The following MRS2 variants were observed in gnomAD, a reference collection of about 807,000 sequenced individuals.
MRS2 encodes the protein magnesium transporter MRS2, also known as magnesium transporter MRS2 homolog, mitochondrial.
A neutral mutation model predicts 52.6 loss-of-function variants in MRS2; 40 were observed. The ratio of observed to expected loss-of-function variants is 0.76; its 90% CI spans 0.59 to 0.99. The LOEUF is 0.99. MRS2 is among the 50% of genes least tolerant of loss of function. The probability of loss-of-function intolerance (pLI) is 0.00; values close to 1 mark genes in which losing one functional copy is unlikely to be tolerated. For synonymous variants in MRS2, 193 were observed against 195.9 expected (o/e 0.98, Z 0.13); for missense variants, 472 against 532.7 (o/e 0.89, Z 1.12).
intron 2 of MRS2, among the ~76,000 whole-genome samples, chr6:24,407,322 T>C (rs1263301143): frequency 6.6e-6 from 1 of 151,916 alleles, no homozygotes; most frequent in East Asian, 1.9e-4. Context: ...ATGGAACTTA[T>C]ATATTCATAT....
At chr6:24,405,287 A>G (rs1313990982) in intron 2 of MRS2, 46 bp downstream of exon 2, 15 of 1,391,486 alleles carry the variant, frequency 1.1e-5, no homozygotes, top group Non-Finnish European at 1.5e-5. Context: ...AGTGCTTCCC[A>G]TACATAAGTT....
In MRS2 at chr6:24,425,409, A is replaced by T. The variant is rs998614741; in HGVS notation, c.*1715A>T. On this transcript the variant is annotated 3_prime_UTR_variant, in exon 11 of 11. Coordinates refer to ENST00000378386, the MANE Select transcript of MRS2 (RefSeq NM_020662.4). ...TTTGATGAATCATGTCAATAAAAGG[A>T]AAAATAATGTAACTACCTCATAAGT... The T allele has an allele frequency of 2.0e-5, 3 of 152,246 alleles. No individual in the cohort carries two copies. Among genetic ancestry groups the T allele is most frequent in the African/African-American group, 7.2e-5 (3 of 41,464 alleles). 9.4% of individuals were successfully genotyped at this position (152,246 alleles called of 1,614,324 possible).
chr6:24,421,648 G>A (rs1048053590), intron 9 of MRS2, among the ~76,000 whole-genome samples: 1 of 131,264 alleles, frequency 7.6e-6, no homozygotes, highest in East Asian at 2.3e-4. Flanking sequence ...TAAATTATTT[G>A]AGACTAAGAA....
Position 24,405,190 on chromosome 6 carries a change from CTCTGACG to C in MRS2, c.217_223del (p.Asp73LeufsTer5). 1 of 1,613,832 alleles carries C rather than the reference CTCTGACG, an allele frequency of 6.2e-7. No homozygotes were observed. The highest frequency in any genetic ancestry group is 1.7e-5 in the Admixed American group (1 of 60,020). ...CAGGTGAAGTGCACCGGTTTAGAAC[CTCTGACG>C]TCTCTCAAGCCACTTTAGCCAGTGT... On this transcript the variant is annotated frameshift_variant, in exon 2 of 11. Transcript: ENST00000378386. LOFTEE classifies it high-confidence loss of function.
At chr6:24,423,109 G>T in intron 10 of MRS2, 59 bp downstream of exon 10, 1 of 1,380,480 alleles carries the variant, frequency 7.2e-7, no homozygotes, top group Non-Finnish European at 1.0e-6. Context: ...GGGCCCTAAA[G>T]TCAGAGCGCC....
chr6:24,410,666 A>G, intron 4 of MRS2: 1 of 1,276,418 alleles, frequency 7.8e-7, no homozygotes, highest in Non-Finnish European at 1.1e-6. Context: ...AAAAATAAAT[A>G]AGTAAATAAA....
chr6:24,419,996 T>G (rs1337888462), intron 9 of MRS2, among the ~76,000 whole-genome samples: 1 of 152,216 alleles, frequency 6.6e-6, no homozygotes, highest in Non-Finnish European at 1.5e-5. Flanking sequence ...TCACCTCCCA[T>G]TAGGACCACT....
chr6:24,415,073 T>A lies in MRS2; in HGVS notation c.629T>A (p.Leu210Gln). 6.2e-7 allele frequency: 1 copy of A among 1,611,824 alleles called. No individual in the cohort carries two copies. Among genetic ancestry groups the A allele is most frequent in the Non-Finnish European group, 8.5e-7 (1 of 1,178,254 alleles). The change falls in exon 6 of 11, where the codon CTG becomes CAG. Residue 210 changes from leucine (L) to glutamine (Q), a missense_variant. Physicochemically the swap from Leu to Gln is moderately radical, Grantham distance 113 (BLOSUM62 -2). Coordinates refer to ENST00000378386, the MANE Select transcript of MRS2 (RefSeq NM_020662.4). ...GGGAAACTTAGCATTTTGCAGCCACTGATCCTTGAGACCTTGGATGCTTTG... is the reference window on the plus strand; with the variant it reads ...GGGAAACTTAGCATTTTGCAGCCACAGATCCTTGAGACCTTGGATGCTTTG... ...LQGKLSILQPLILETLDALVD... is the reference protein window; with the variant it reads ...LQGKLSILQPQILETLDALVD...
Position 24,412,288 on chromosome 6 carries a change from C to A in MRS2, c.481C>A (p.Gln161Lys). ...AGATTATCGTAATTTAAACTTAGAG[C>A]AATGGCTGTTCCGGGAACTCCCTTC... ...ILDYRNLNLE[Q>K]WLFRELPSQL... The change falls in exon 5 of 11, where the codon CAA (glutamine) becomes AAA (lysine). Residue 161 changes from glutamine (Q) to lysine (K), a missense_variant. By Grantham distance (53) the Gln-to-Lys change is moderately conservative. Transcript: ENST00000378386. 1 of 1,604,048 alleles carries A rather than the reference C, an allele frequency of 6.2e-7. No homozygotes were observed. The highest frequency in any genetic ancestry group is 8.5e-7 in the Non-Finnish European group (1 of 1,175,438).
chr6:24,412,203 G>GGT lies in MRS2; in HGVS notation c.415-19_415-18insGT. On this transcript the variant is annotated intron_variant, in intron 4 of 10. Coordinates refer to ENST00000378386, the MANE Select transcript of MRS2 (RefSeq NM_020662.4). Reference sequence around the variant, plus strand: ...TACACTCACATATTTATATGTTTTGGTTTTTTTTTTTTTAACAGTATTTGA... The same window carrying GGT: ...TACACTCACATATTTATATGTTTTGGGTTTTTTTTTTTTTTAACAGTATTTGA... The GGT allele has an allele frequency of 8.2e-7, 1 of 1,220,584 alleles. No individual in the cohort carries two copies. The highest frequency in any genetic ancestry group is 1.6e-5 in the South Asian group (1 of 62,550). The allele number at this position is 1,220,584 out of a possible 1,614,324, so 75.6% of individuals were successfully genotyped here. A position where few individuals can be genotyped will look rare whatever the true frequency, so the allele number is the denominator to read the frequency against.
intron 6 of MRS2, among the ~76,000 whole-genome samples, chr6:24,415,473 A>G (rs1761818030): frequency 1.3e-5 from 2 of 152,208 alleles, no homozygotes; most frequent in Admixed American, 6.5e-5. Flanking sequence ...GCAGATCTAA[A>G]TCCAAATTCA....
intron 5 of MRS2, 30 bp from the exon 6 acceptor site, chr6:24,415,003 A>G: frequency 6.5e-7 from 1 of 1,548,144 alleles, no homozygotes. Context: ...GATTGTTTTA[A>G]TTCTTATGAA....
In MRS2 at chr6:24,425,336, T is replaced by C. The variant is rs1581717893; in HGVS notation, c.*1642T>C. The stretch of plus-strand genomic sequence containing the variant: ...CATAAGATAGAATTTTTGTCATTTT[T>C]CCTTGCAGTTTTATTGACTTAGTTT... On this transcript the variant is annotated 3_prime_UTR_variant, in exon 11 of 11. Transcript: ENST00000378386. 6.6e-6 allele frequency: 1 copy of C among 152,358 alleles called. No homozygotes were observed. The highest frequency in any genetic ancestry group is 1.9e-4 in the East Asian group (1 of 5,190). 9.4% of individuals were successfully genotyped at this position (152,358 alleles called of 1,614,324 possible). A position where few individuals can be genotyped will look rare whatever the true frequency, so the allele number is the denominator to read the frequency against.
chr6:24,416,540 T>G, intron 7 of MRS2, 27 bp downstream of exon 7: 1 of 1,137,550 alleles, frequency 8.8e-7, no homozygotes, highest in Non-Finnish European at 1.3e-6. Context: ...ACTTTGTTAT[T>G]TATTTCCTTA....
Position 24,409,582 on chromosome 6 carries a change from T to G in MRS2, c.414+9T>G. 6.8e-7 allele frequency: 1 copy of G among 1,477,374 alleles called. No homozygotes were observed. The allele number at this position is 1,477,374 out of a possible 1,614,324, so 91.5% of individuals were successfully genotyped here. A position where few individuals can be genotyped will look rare whatever the true frequency, so the allele number is the denominator to read the frequency against. On this transcript the variant is annotated intron_variant, in intron 4 of 10. Transcript: ENST00000378386. Reference sequence around the variant, plus strand: ...TTATCATGAGAATGGAGGTAAAATATTTTATTTTCATCTATGTTTCTCCAA... The same window carrying G: ...TTATCATGAGAATGGAGGTAAAATAGTTTATTTTCATCTATGTTTCTCCAA...
At chr6:24,416,542 A>C in intron 7 of MRS2, 29 bp downstream of exon 7, 1 of 1,128,706 alleles carries the variant, frequency 8.9e-7, no homozygotes, top group South Asian at 1.3e-5. Context: ...TTTGTTATTT[A>C]TTTCCTTAGA....
At chr6:24,410,638 T>C (rs1160773971) in intron 4 of MRS2, 5 of 1,041,100 alleles carry the variant, frequency 4.8e-6, no homozygotes, top group Non-Finnish European at 6.8e-6. Flanking sequence ...CTAAGCAACA[T>C]AGCAAGATCC....
intron 4 of MRS2, among the ~76,000 whole-genome samples, chr6:24,411,856 T>C (rs1263792542): frequency 1.3e-5 from 2 of 150,496 alleles, no homozygotes; most frequent in East Asian, 1.9e-4. Flanking sequence ...TATTTTTTGG[T>C]GTTTTTTTTT....
rs1762185307 is a variant in MRS2 at position 24,425,078 on chromosome 6, T to A, written c.*1384T>A. The A allele has an allele frequency of 6.6e-6, 1 of 152,244 alleles. No homozygotes were observed. The highest frequency in any genetic ancestry group is 2.1e-4 in the South Asian group (1 of 4,834). The allele number at this position is 152,244 out of a possible 1,614,324, so 9.4% of individuals were successfully genotyped here. ...TGTGGGTCAGGAACACGCGTCATGG[T>A]GTTCTTGTCGGAATGTGAACATACA... On this transcript the variant is annotated 3_prime_UTR_variant, in exon 11 of 11. Coordinates refer to ENST00000378386, the MANE Select transcript of MRS2 (RefSeq NM_020662.4).
Sources: gnomAD v4.1 joint callset for allele counts (sites outside exome capture counted in the v4.1 genomes callset) on GRCh38, gnomAD v4.1.1 for gene constraint, MANE v1.5 for transcripts, NCBI Gene and HGNC (gene_info 2026-07-23, HGNC 2026-07-21) for gene names.